UGT2A2: variants seen among roughly 807,000 people sequenced by gnomAD.
UGT2A2 encodes the protein UDP glucuronosyltransferase family 2 member A2, also known as UDP-glucuronosyltransferase 2A2.
UGT2A2 carries 60 observed loss-of-function variants against 50.7 expected under a neutral mutation model. That is an observed-to-expected ratio of 1.18 (90% CI 0.96 to 1.47). UGT2A2 has a LOEUF of 1.47. UGT2A2 is among the 40% of genes most tolerant of loss of function. UGT2A2 has a pLI of 0.00. For missense variants in UGT2A2, 762 were observed against 634.0 expected, an observed-to-expected ratio of 1.20 and a Z score of -2.17; for synonymous variants, 242 against 214.6, an observed-to-expected ratio of 1.13 and a Z score of -1.11.
In UGT2A2 at chr4:69,608,929, T is replaced by A. The variant is rs376661357; in HGVS notation, c.743-9535A>T. Among the ~76,000 whole-genome samples the A allele has an allele frequency of 8.5e-5, 13 of 152,282 alleles. No individual in the cohort carries two copies. In the South Asian group the frequency reaches 2.7e-3, roughly 32 times the overall value. Reference sequence around the variant, plus strand: ...AAAGTAAAAGCAAAACCATAGCTTCTATTAAGACAGCATAAAAATCCTTTT... The same window carrying A: ...AAAGTAAAAGCAAAACCATAGCTTCAATTAAGACAGCATAAAAATCCTTTT... On this transcript the variant is annotated intron_variant, in intron 1 of 5. Coordinates refer to ENST00000604629, the MANE Select transcript of UGT2A2 (RefSeq NM_001105677.2).
intron 1 of UGT2A2, among the ~76,000 whole-genome samples, chr4:69,615,457 T>C (rs960799255): frequency 9.2e-5 from 14 of 151,758 alleles, no homozygotes; most frequent in African/African-American, 3.1e-4. Context: ...TGGGAGAAAA[T>C]ATTTTCCATG....
At chr4:69,618,926 C>T (rs1720573214) in intron 1 of UGT2A2, among the ~76,000 whole-genome samples, 1 of 151,722 alleles carries the variant, frequency 6.6e-6, no homozygotes, top group Admixed American at 6.6e-5. Flanking sequence ...TTTTTAAAAA[C>T]TCAGGATCAA....
At chr4:69,635,745 T>C in intron 1 of UGT2A2, 1 of 236,182 alleles carries the variant, frequency 4.2e-6, no homozygotes, top group Non-Finnish European at 8.7e-6. Context: ...GAGAATCGCT[T>C]GAACCCGGGA....
chr4:69,594,337 C>T, intron 5 of UGT2A2, 140 bp downstream of exon 5: 1 of 1,175,674 alleles, frequency 8.5e-7, no homozygotes, highest in Non-Finnish European at 1.2e-6. Flanking sequence ...AGCAGTTTGG[C>T]AAATAAAATA....
chr4:69,611,443 T>A (rs1233552790), intron 1 of UGT2A2, among the ~76,000 whole-genome samples: 3 of 151,354 alleles, frequency 2.0e-5, no homozygotes, highest in Admixed American at 1.3e-4. Flanking sequence ...CCAGAAATGA[T>A]AAGAAAAAAA....
At chr4:69,618,149 G>A (rs1314896963) in intron 1 of UGT2A2, among the ~76,000 whole-genome samples, 2 of 151,226 alleles carry the variant, frequency 1.3e-5, no homozygotes, top group East Asian at 3.9e-4. Flanking sequence ...ATAATTCTAT[G>A]AGAAAATATT....
At chr4:69,620,214 G>A (rs1486720263) in intron 1 of UGT2A2, among the ~76,000 whole-genome samples, 1 of 151,914 alleles carries the variant, frequency 6.6e-6, no homozygotes, top group Non-Finnish European at 1.5e-5. Context: ...CACACAACAT[G>A]ATTCTATATG....
intron 1 of UGT2A2, among the ~76,000 whole-genome samples, chr4:69,609,694 C>G (rs1051471177): frequency 5.9e-5 from 9 of 152,172 alleles, no homozygotes; most frequent in African/African-American, 2.2e-4. Flanking sequence ...ACACCTATAC[C>G]TATACCTATA....
chr4:69,589,394 C>CCTAT lies in UGT2A2; in HGVS notation c.1585_1588dup (p.Gly530AspfsTer26), dbSNP rs1560463209. On this transcript the variant is annotated frameshift_variant, in exon 6 of 6. Coordinates refer to ENST00000604629, the MANE Select transcript of UGT2A2 (RefSeq NM_001105677.2). LOFTEE classifies it high-confidence loss of function. ...GACCTATTCTCTTTTTTTCTTCTTT[C>CCTAT]CTATCTTACCAAATTTTTGACAGGA... 1.2e-6 allele frequency: 2 copies of CCTAT among 1,608,212 alleles called. No individual in the cohort carries two copies. The highest frequency in any genetic ancestry group is 2.2e-5 in the South Asian group (2 of 90,200).
intron 1 of UGT2A2, among the ~76,000 whole-genome samples, chr4:69,634,190 A>T (rs999218128): frequency 3.3e-5 from 5 of 152,114 alleles, no homozygotes; most frequent in Non-Finnish European, 5.9e-5. Flanking sequence ...GCTTGCAGTG[A>T]GCCGAGATCG....
intron 1 of UGT2A2, among the ~76,000 whole-genome samples, chr4:69,626,755 C>A (rs1418581322): frequency 6.6e-6 from 1 of 151,772 alleles, no homozygotes; most frequent in Admixed American, 6.6e-5. Context: ...GTTCATTGAA[C>A]TGTTTATACA....
chr4:69,613,195 A>G (rs1408233719), intron 1 of UGT2A2, among the ~76,000 whole-genome samples: 1 of 151,910 alleles, frequency 6.6e-6, no homozygotes, highest in Non-Finnish European at 1.5e-5. Flanking sequence ...ACAGACATAT[A>G]GACATATAAC....
intron 5 of UGT2A2, among the ~76,000 whole-genome samples, chr4:69,591,105 C>A (rs1419462914): frequency 1.3e-5 from 2 of 151,892 alleles, no homozygotes; most frequent in Non-Finnish European, 2.9e-5. Flanking sequence ...ATTTATAGTT[C>A]TCATTTTTTT....
intron 1 of UGT2A2, among the ~76,000 whole-genome samples, chr4:69,616,117 C>T (rs564706330): frequency 1.6e-3 from 250 of 151,756 alleles, no homozygotes; most frequent in Non-Finnish European, 2.7e-3. Flanking sequence ...AAGCCAGGCG[C>T]GGAAAGACAA....
intron 1 of UGT2A2, among the ~76,000 whole-genome samples, chr4:69,636,871 G>A (rs1449624939): frequency 6.6e-6 from 1 of 152,130 alleles, no homozygotes; most frequent in African/African-American, 2.4e-5. Flanking sequence ...AGAAAGCACT[G>A]TGACTCTAAA....
intron 2 of UGT2A2, 64 bp downstream of exon 2, chr4:69,599,182 C>G: frequency 6.6e-7 from 1 of 1,512,958 alleles, no homozygotes; most frequent in South Asian, 1.3e-5. Flanking sequence ...AGGCTATAAA[C>G]TTTAAAAGAA....
intron 1 of UGT2A2, among the ~76,000 whole-genome samples, chr4:69,612,799 T>C (rs1720140957): frequency 6.6e-6 from 1 of 151,690 alleles, no homozygotes; most frequent in South Asian, 2.1e-4. Context: ...TAGGATATTA[T>C]GTATTGACAT....
chr4:69,617,529 T>C (rs911210027), intron 1 of UGT2A2, among the ~76,000 whole-genome samples: 1 of 151,914 alleles, frequency 6.6e-6, no homozygotes, highest in Non-Finnish European at 1.5e-5. Context: ...TAGGAAATAT[T>C]GTAGCCATTC....
chr4:69,618,978 T>G (rs1401885712), intron 1 of UGT2A2, among the ~76,000 whole-genome samples: 1 of 151,864 alleles, frequency 6.6e-6, no homozygotes, highest in Non-Finnish European at 1.5e-5. Context: ...AATGTTGAAT[T>G]TTATAATTTA....
Sources: allele counts gnomAD v4.1 joint callset (sites outside exome capture counted in the v4.1 genomes callset), GRCh38; gene constraint gnomAD v4.1.1; transcripts MANE v1.5; gene names NCBI Gene and HGNC (gene_info 2026-07-23, HGNC 2026-07-21).